The following ACP6 variants were observed in gnomAD, a reference collection of about 807,000 sequenced individuals.
The protein encoded by ACP6 is lysophosphatidic acid phosphatase type 6.
A neutral mutation model predicts 48.1 loss-of-function variants in ACP6; 48 were observed. That is an observed-to-expected ratio of 1.00 (90% CI 0.79 to 1.27). The LOEUF (loss-of-function observed/expected upper bound fraction) is 1.27. Ranked by LOEUF, ACP6 falls within the 50% of genes most tolerant of loss-of-function variation. The pLI, the probability that ACP6 is intolerant of heterozygous loss-of-function variation, is 0.00. For synonymous variants in ACP6, 172 were observed against 204.2 expected, an observed-to-expected ratio of 0.84 and a Z score of 1.34; for missense variants, 485 against 529.1, an observed-to-expected ratio of 0.92 and a Z score of 0.82.
chr1:147,635,318 C>G (rs1424878308), intron 5 of ACP6, among the ~76,000 whole-genome samples: 3 of 152,200 alleles, frequency 2.0e-5, no homozygotes, highest in Non-Finnish European at 4.4e-5. Flanking sequence ...TTCAATCCCT[C>G]CCAGCAATCT....
At position 147,670,359 on chromosome 1, in the gene ACP6, A is replaced by G; in HGVS notation, c.-311T>C. ...CCTTATCTTTTGCCCGACGAGGAAC[A>G]TTAAACTTGTATTTCAAGTTTGGCC... On this transcript the variant is annotated 5_prime_UTR_variant, in exon 1 of 10. An upstream start codon of the reference 5' UTR is lost. Coordinates refer to ENST00000583509, the MANE Select transcript of ACP6 (RefSeq NM_016361.5). 3.6e-6 allele frequency: 1 copy of G among 274,824 alleles called. No homozygotes were observed. The highest frequency in any genetic ancestry group is 6.5e-5 in the East Asian group (1 of 15,396). 17.0% of individuals were successfully genotyped at this position (274,824 alleles called of 1,614,324 possible).
chr1:147,664,020 G>C (rs1043735320), intron 1 of ACP6, among the ~76,000 whole-genome samples: 1 of 151,956 alleles, frequency 6.6e-6, no homozygotes, highest in Non-Finnish European at 1.5e-5. Context: ...TACCCTCCCC[G>C]AACTATCCCA....
At chr1:147,668,177 T>C (rs1660898697) in intron 1 of ACP6, among the ~76,000 whole-genome samples, 1 of 152,206 alleles carries the variant, frequency 6.6e-6, no homozygotes, top group South Asian at 2.1e-4. Flanking sequence ...TTAAAGCATC[T>C]GTCTAAAGTC....
rs782298170 is a variant in ACP6, at chr1:147,659,772, C to G, written c.223G>C (p.Glu75Gln). The G allele has an allele frequency of 6.2e-7, 1 of 1,613,528 alleles. No homozygotes were observed. Among genetic ancestry groups the G allele is most frequent in the Admixed American group, 1.7e-5 (1 of 59,992 alleles). The change falls in exon 2 of 10, where the codon GAG becomes CAG. Residue 75 changes from glutamate (E) to glutamine (Q), a missense_variant. Coordinates refer to ENST00000583509, the MANE Select transcript of ACP6 (RefSeq NM_016361.5). ...LKPLPLEEQV[E>Q]WNPQLLEVPP... is the part of the protein sequence containing the mutation. The stretch of plus-strand genomic sequence containing the variant: ...ACCTCTAATAGCTGGGGGTTCCACT[C>G]TACCTGTTAGTACAAAAAAAACACA...
In ACP6 at chr1:147,645,619, T is replaced by A. The variant is rs182808735; in HGVS notation, c.*1804A>T. ...GAAGCTTAGTAAGAAGAATGAAAACTGGCTATTGGATTCACCACACAAAGG... is the reference window on the plus strand; with the variant it reads ...GAAGCTTAGTAAGAAGAATGAAAACAGGCTATTGGATTCACCACACAAAGG... On this transcript the variant is annotated 3_prime_UTR_variant, in exon 10 of 10. Coordinates refer to ENST00000583509, the MANE Select transcript of ACP6 (RefSeq NM_016361.5). 50 of 152,328 alleles carry A rather than the reference T, an allele frequency of 3.3e-4. No individual in the cohort carries two copies. The highest frequency in any genetic ancestry group is 1.1e-3 in the African/African-American group (45 of 41,574). 9.4% of individuals were successfully genotyped at this position (152,328 alleles called of 1,614,324 possible).
chr1:147,653,916 T>G (rs191697478), intron 6 of ACP6, among the ~76,000 whole-genome samples: 5 of 152,268 alleles, frequency 3.3e-5, no homozygotes, highest in African/African-American at 1.2e-4. Flanking sequence ...TCCCTACCCA[T>G]TGCCCCTGCC....
At chr1:147,660,250 C>T (rs587650637) in intron 1 of ACP6, among the ~76,000 whole-genome samples, 7 of 152,246 alleles carry the variant, frequency 4.6e-5, no homozygotes, top group Middle Eastern at 3.4e-3. Flanking sequence ...TCATGCAATT[C>T]GTGAAACAAG....
chr1:147,652,606 A>G, intron 6 of ACP6, 57 bp from the exon 7 acceptor site: 1 of 1,612,142 alleles, frequency 6.2e-7, no homozygotes, highest in Non-Finnish European at 8.5e-7. Flanking sequence ...TGATTCTGGC[A>G]GCTGATCAGC....
intron 5 of ACP6, among the ~76,000 whole-genome samples, chr1:147,635,248 C>G (rs1659267338): frequency 6.6e-6 from 1 of 152,170 alleles, no homozygotes; most frequent in Non-Finnish European, 1.5e-5. Flanking sequence ...TATTACCTAC[C>G]AAATAGGAAG....
intron 7 of ACP6, chr1:147,651,591 C>G (rs1429587792): frequency 6.6e-6 from 1 of 151,906 alleles, no homozygotes; most frequent in African/African-American, 2.4e-5. Context: ...CTGGCAAGTC[C>G]CAGGGAGTGG....
chr1:147,642,228 A>C (rs1028213889), downstream of ACP6: 1 of 152,182 alleles, frequency 6.6e-6, no homozygotes, highest in Non-Finnish European at 1.5e-5. Context: ...CCAACAGAAG[A>C]GTTAAGTCAG....
At chr1:147,665,863 C>T (rs1660768609) in intron 1 of ACP6, among the ~76,000 whole-genome samples, 1 of 152,236 alleles carries the variant, frequency 6.6e-6, no homozygotes, top group Admixed American at 6.5e-5. Context: ...ACCCCACATA[C>T]ACACTCTCAT....
intron 1 of ACP6, among the ~76,000 whole-genome samples, chr1:147,661,165 G>A (rs1366694462): frequency 6.6e-6 from 1 of 152,062 alleles, no homozygotes; most frequent in African/African-American, 2.4e-5. Flanking sequence ...ATGGGGTCTG[G>A]CTCTGTTGCC....
intron 1 of ACP6, among the ~76,000 whole-genome samples, chr1:147,663,441 A>G (rs1381643532): frequency 2.0e-5 from 3 of 152,246 alleles, no homozygotes; most frequent in Non-Finnish European, 4.4e-5. Context: ...TCACCTAATT[A>G]ATCTTGCTAA....
At chr1:147,652,403 A>T in intron 7 of ACP6, 46 bp downstream of exon 7, 1 of 1,559,490 alleles carries the variant, frequency 6.4e-7, no homozygotes, top group South Asian at 1.2e-5. Context: ...ATACACTTGG[A>T]TGTCTGACCA....
rs1553212178 is a variant in ACP6 at position 147,659,000 on chromosome 1, G to A, written c.519C>T (p.Thr173=). The stretch of plus-strand genomic sequence containing the variant: ...GGAAAAGCCCAGCCAGCAAACAACG[G>A]GTGGACTCCAGATTCCGAAAAATGT... ...STNIFRNLES[T]RCLLAGLFQC... is the part of the protein sequence containing the mutation. The change falls in exon 4 of 10, where the codon ACC becomes ACT. Residue 173 remains threonine (T), a synonymous_variant. Transcript: ENST00000583509. 1.2e-6 allele frequency: 2 copies of A among 1,611,720 alleles called. No individual in the cohort carries two copies. The highest frequency in any genetic ancestry group is 1.7e-5 in the Admixed American group (1 of 59,756).
Position 147,645,220 on chromosome 1 carries a change from A to C in ACP6, c.*2203T>G, listed in dbSNP as rs942809415. The C allele has an allele frequency of 6.6e-6, 1 of 150,952 alleles. No homozygotes were observed. Among genetic ancestry groups the C allele is most frequent in the African/African-American group, 2.4e-5 (1 of 41,304 alleles). 9.4% of individuals were successfully genotyped at this position (150,952 alleles called of 1,614,324 possible). A position where few individuals can be genotyped will look rare whatever the true frequency, so the allele number is the denominator to read the frequency against. On this transcript the variant is annotated 3_prime_UTR_variant, in exon 10 of 10. Coordinates refer to ENST00000583509, the MANE Select transcript of ACP6 (RefSeq NM_016361.5). ...TATAATAATTTTATAAAATTATAAT[A>C]ATTTTATAAAAATATAATAATTTTT...
At position 147,630,662 on chromosome 1, in the gene ACP6, C is replaced by G. The variant is rs975888330; in HGVS notation, c.*391G>C. 21 of 152,186 alleles carry G rather than the reference C, an allele frequency of 1.4e-4. 1 individual carries two copies. The highest frequency in any genetic ancestry group is 5.1e-4 in the African/African-American group (21 of 41,426). The allele number at this position is 152,186 out of a possible 1,614,324, so 9.4% of individuals were successfully genotyped here. On this transcript the variant is annotated 3_prime_UTR_variant, in exon 6 of 6. Coordinates refer to the ACP6 transcript ENST00000609196. Reference sequence around the variant, plus strand: ...TCTGGAGTACTGGCTTCTGGCTGCTCGGTTCTCAGCGTCAAATGAAGACAA... The same window carrying G: ...TCTGGAGTACTGGCTTCTGGCTGCTGGGTTCTCAGCGTCAAATGAAGACAA...
chr1:147,654,212 G>C lies in ACP6; in HGVS notation c.762C>G (p.Asp254Glu). 6.2e-7 allele frequency: 1 copy of C among 1,614,166 alleles called. No homozygotes were observed. The highest frequency in any genetic ancestry group is 8.5e-7 in the Non-Finnish European group (1 of 1,180,028). The change falls in exon 6 of 10, where the codon GAC becomes GAG. Residue 254 changes from aspartate (D) to glutamate (E), a missense_variant. Coordinates refer to ENST00000583509, the MANE Select transcript of ACP6 (RefSeq NM_016361.5). ...SDKVDFFILL[D>E]NVAAEQAHNL... ...GACTCACCTGCTCGGCAGCCACGTT[G>C]TCCAGGAGGATGAAGAAGTCCACTT... is the stretch of plus-strand genomic sequence containing the variant.
Sources: gnomAD v4.1 joint callset for allele counts (sites outside exome capture counted in the v4.1 genomes callset) on GRCh38, gnomAD v4.1.1 for gene constraint, MANE v1.5 for transcripts, NCBI Gene and HGNC (gene_info 2026-07-23, HGNC 2026-07-21) for gene names.